Variants in OSBPL2 observed in about 807,000 individuals in gnomAD.
OSBPL2 encodes oxysterol-binding protein-related protein 2.
OSBPL2 carries 18 observed loss-of-function variants against 58.4 expected under a neutral mutation model. The ratio of observed to expected loss-of-function variants is 0.31; its 90% CI spans 0.21 to 0.46. The LOEUF is 0.46. OSBPL2 is among the 20% of genes least tolerant of loss of function. The pLI, the probability that OSBPL2 is intolerant of heterozygous loss-of-function variation, is 1.00. For missense variants in OSBPL2, 461 were observed against 616.5 expected (o/e 0.75, Z 2.67); for synonymous variants, 221 against 234.1 (o/e 0.94, Z 0.51).
chr20:62,275,192 G>A (rs537903033), intron 6 of OSBPL2, among the ~76,000 whole-genome samples: 6 of 152,066 alleles, frequency 3.9e-5, no homozygotes, highest in Non-Finnish European at 7.4e-5. Flanking sequence ...GAGCCAGACC[G>A]TGTCTCTTTA....
At chr20:62,258,954 C>T (rs1198199551) in intron 2 of OSBPL2, 2 of 152,254 alleles carry the variant, frequency 1.3e-5, no homozygotes, top group African/African-American at 2.4e-5. Flanking sequence ...TCCACCCCAG[C>T]ACTGCCTTTA....
chr20:62,270,319 G>T (rs543336316), intron 4 of OSBPL2, among the ~76,000 whole-genome samples: 1 of 151,126 alleles, frequency 6.6e-6, no homozygotes, highest in East Asian at 2.0e-4. Flanking sequence ...CTCCCTCCTG[G>T]CCTCTCTGGG....
At chr20:62,270,003 C>G (rs991063256) in intron 4 of OSBPL2, among the ~76,000 whole-genome samples, 2 of 152,264 alleles carry the variant, frequency 1.3e-5, no homozygotes, top group African/African-American at 4.8e-5. Flanking sequence ...GCCTCGGTCC[C>G]TGCACTCGTC....
chr20:62,277,405 C>T (rs1349665508), intron 6 of OSBPL2, among the ~76,000 whole-genome samples: 2 of 152,352 alleles, frequency 1.3e-5, no homozygotes, highest in South Asian at 2.1e-4. Flanking sequence ...CACCCGGGGC[C>T]GGAGCTCCTG....
chr20:62,241,135 C>T (rs1422098016), intron 1 of OSBPL2, among the ~76,000 whole-genome samples: 1 of 152,092 alleles, frequency 6.6e-6, no homozygotes, highest in African/African-American at 2.4e-5. Context: ...AGTGTCTCTC[C>T]TCTGTGCCGT....
At chr20:62,262,986 C>G (rs1981415662) in intron 3 of OSBPL2, among the ~76,000 whole-genome samples, 1 of 152,162 alleles carries the variant, frequency 6.6e-6, no homozygotes, top group Non-Finnish European at 1.5e-5. Flanking sequence ...GCGCTCCCCT[C>G]CTAGATGGAG....
intron 1 of OSBPL2, among the ~76,000 whole-genome samples, chr20:62,249,720 A>G (rs1383085218): frequency 6.6e-6 from 1 of 152,074 alleles, no homozygotes; most frequent in African/African-American, 2.4e-5. Context: ...GATTACAGGC[A>G]TGGGCCACCA....
At chr20:62,290,946 C>T (rs1983468655) in intron 12 of OSBPL2, among the ~76,000 whole-genome samples, 1 of 152,078 alleles carries the variant, frequency 6.6e-6, no homozygotes, top group Admixed American at 6.5e-5. Context: ...CCATGTTGGC[C>T]AGCCTGGTCT....
chr20:62,273,233 C>T, intron 5 of OSBPL2, 76 bp from the exon 6 acceptor site: 1 of 1,141,226 alleles, frequency 8.8e-7, no homozygotes, highest in Non-Finnish European at 1.3e-6. Flanking sequence ...TGCCCACCGC[C>T]CTCCACAAGA....
rs770231057 is a variant in OSBPL2, at chr20:62,294,296, G to A, written c.*409G>A. 6.2e-5 allele frequency: 11 copies of A among 176,496 alleles called. No homozygotes were observed. Among genetic ancestry groups the A allele is most frequent in the Non-Finnish European group, 6.0e-5 (5 of 83,554 alleles). The allele number at this position is 176,496 out of a possible 1,614,324, so 10.9% of individuals were successfully genotyped here. A position where few individuals can be genotyped will look rare whatever the true frequency, so the allele number is the denominator to read the frequency against. On this transcript the variant is annotated 3_prime_UTR_variant, in exon 14 of 14. Coordinates refer to ENST00000313733, the MANE Select transcript of OSBPL2 (RefSeq NM_144498.4). ...AAGGTTCTGAAAGCCTTTTAAACTC[G>A]AACCAGTGGGGGAAAGATGGATCTT...
intron 3 of OSBPL2, among the ~76,000 whole-genome samples, chr20:62,261,333 A>AG (rs1981289895): frequency 6.6e-6 from 1 of 151,528 alleles, no homozygotes; most frequent in Non-Finnish European, 1.5e-5. Flanking sequence ...AAAAAAAAAA[A>AG]AAAGGCACAA....
chr20:62,281,907 C>T (rs1982813749), intron 9 of OSBPL2, 28 bp downstream of exon 9: 1 of 1,469,346 alleles, frequency 6.8e-7, no homozygotes, highest in Non-Finnish European at 9.5e-7. Flanking sequence ...GTTCATGGGG[C>T]ACCACTACAG....
intron 1 of OSBPL2, among the ~76,000 whole-genome samples, chr20:62,251,204 G>A (rs1399163845): frequency 6.7e-6 from 1 of 149,246 alleles, no homozygotes; most frequent in Non-Finnish European, 1.5e-5. Flanking sequence ...CCACTGCGCC[G>A]GCCACCACGC....
At chr20:62,267,092 A>C (rs1327145194) in intron 4 of OSBPL2, among the ~76,000 whole-genome samples, 1 of 152,260 alleles carries the variant, frequency 6.6e-6, no homozygotes, top group Non-Finnish European at 1.5e-5. Context: ...TCTACAAAAA[A>C]GAATTAGCCG....
At chr20:62,281,440 G>GT in intron 8 of OSBPL2, 1 of 517,516 alleles carries the variant, frequency 1.9e-6, no homozygotes, top group Non-Finnish European at 3.5e-6. Context: ...GTGCAGCGCA[G>GT]TGGCCGTCCA....
intron 10 of OSBPL2, chr20:62,285,638 G>A (rs1300466347): frequency 1.3e-5 from 2 of 152,386 alleles, no homozygotes; most frequent in Non-Finnish European, 2.9e-5. Flanking sequence ...TTCTGGAGAG[G>A]CGCCATGTGT....
rs1601170558 is a variant in OSBPL2, at chr20:62,264,404, G to C, written c.258+713G>C. Among the ~76,000 whole-genome samples the C allele has an allele frequency of 1.3e-5, 2 of 152,200 alleles. 1 individual carries two copies. The highest frequency in any genetic ancestry group is 4.1e-4 in the South Asian group (2 of 4,832). On this transcript the variant is annotated intron_variant, in intron 4 of 13. Transcript: ENST00000313733. Reference sequence around the variant, plus strand: ...ATCTTTCCTGACTGTGAGAACCCAAGCTGTGCCTCACAGGGGCGGGGAGTG... The same window carrying C: ...ATCTTTCCTGACTGTGAGAACCCAACCTGTGCCTCACAGGGGCGGGGAGTG...
intron 1 of OSBPL2, among the ~76,000 whole-genome samples, chr20:62,254,600 TGCG>T (rs1401636421): frequency 2.0e-5 from 3 of 152,222 alleles, no homozygotes; most frequent in Non-Finnish European, 2.9e-5. Context: ...TGCTGCCCCG[TGCG>T]GCTGTGGCAG....
intron 4 of OSBPL2, chr20:62,264,554 T>A (rs543439780): frequency 3.5e-4 from 54 of 152,324 alleles, no homozygotes; most frequent in African/African-American, 1.1e-3. Flanking sequence ...TTTTTTGCCC[T>A]TATCTGTTTT....
Sources: gnomAD v4.1 joint callset for allele counts (sites outside exome capture counted in the v4.1 genomes callset) on GRCh38, gnomAD v4.1.1 for gene constraint, MANE v1.5 for transcripts, NCBI Gene and HGNC (gene_info 2026-07-23, HGNC 2026-07-21) for gene names.